Variants in NEBL observed in about 807,000 individuals in gnomAD.
The protein encoded by NEBL is LIM and SH3 protein 2.
Under a neutral mutation model 140.2 loss-of-function variants are expected in NEBL, and 122 were observed. The observed-to-expected ratio is 0.87, with a 90% CI of 0.75 to 1.01. NEBL has a LOEUF of 1.01. Among genes scored for constraint, NEBL ranks in the 50% least tolerant of loss-of-function variants. The pLI, the probability that NEBL is intolerant of heterozygous loss-of-function variation, is 0.00. For synonymous variants in NEBL, 436 were observed against 398.9 expected (o/e 1.09, Z -1.11); for missense variants, 1,365 against 1,231.3 (o/e 1.11, Z -1.62).
At chr10:21,202,218 T>A (rs911952922) in intron 3 of NEBL, among the ~76,000 whole-genome samples, 5 of 152,184 alleles carry the variant, frequency 3.3e-5, no homozygotes, top group Admixed American at 3.3e-4. Flanking sequence ...CAGCACTTTT[T>A]ATAGATGATA....
chr10:21,125,562 C>A (rs1441901424), intron 2 of NEBL, among the ~76,000 whole-genome samples: 1 of 152,114 alleles, frequency 6.6e-6, no homozygotes, highest in Non-Finnish European at 1.5e-5. Flanking sequence ...GAAGTGGAAG[C>A]CATCACTGTA....
chr10:20,967,361 C>T (rs377015213), intron 3 of NEBL, among the ~76,000 whole-genome samples: 1 of 152,190 alleles, frequency 6.6e-6, no homozygotes, highest in East Asian at 1.9e-4. Context: ...GGCATGGTGG[C>T]TCACGCCTGT....
Position 21,208,263 on chromosome 10 carries a change from G to A in NEBL, n.349-35786C>T, listed in dbSNP as rs138468962. On this transcript the variant is annotated intron_variant and non_coding_transcript_variant, in intron 3 of 8. Transcript: ENST00000675702. Reference sequence around the variant, plus strand: ...ATGGGGGTCCTTCAGACCAGCTAACGTCTAGTTTCACTAGTATGCAGGACC... The same window carrying A: ...ATGGGGGTCCTTCAGACCAGCTAACATCTAGTTTCACTAGTATGCAGGACC... Among the ~76,000 whole-genome samples the A allele has an allele frequency of 1.9e-4, 29 of 152,302 alleles. No homozygotes were observed. The South Asian group carries it at 3.3e-3, about 17-fold the overall frequency.
chr10:20,922,726 C>T (rs1833654292), intron 4 of NEBL, among the ~76,000 whole-genome samples: 1 of 152,202 alleles, frequency 6.6e-6, no homozygotes, highest in African/African-American at 2.4e-5. Context: ...CTCACCCAGC[C>T]TGACACACAG....
At chr10:21,063,114 C>T (rs1342746110) in intron 2 of NEBL, among the ~76,000 whole-genome samples, 6 of 152,114 alleles carry the variant, frequency 3.9e-5, no homozygotes, top group African/African-American at 9.7e-5. Flanking sequence ...AACATAACTG[C>T]GGGTGCTCCA....
At chr10:21,031,045 G>C (rs185051294) in intron 2 of NEBL, among the ~76,000 whole-genome samples, 2 of 152,338 alleles carry the variant, frequency 1.3e-5, no homozygotes, top group African/African-American at 2.4e-5. Flanking sequence ...AATGAGAACA[G>C]AGTAGTAGAA....
chr10:20,810,421 T>C (rs189761140), intron 24 of NEBL, among the ~76,000 whole-genome samples: 442 of 152,354 alleles, frequency 2.9e-3, no homozygotes, highest in African/African-American at 8.4e-3. Flanking sequence ...TGTGGAATGG[T>C]GGCAAGCCTA....
chr10:20,997,540 C>T (rs1036076727), intron 3 of NEBL, among the ~76,000 whole-genome samples: 14 of 126,020 alleles, frequency 1.1e-4, no homozygotes, highest in Non-Finnish European at 2.1e-4. Flanking sequence ...ATTTAGGATT[C>T]GGATTAGTAG....
chr10:20,943,745 G>A (rs1052403467), intron 4 of NEBL, among the ~76,000 whole-genome samples: 6 of 152,108 alleles, frequency 3.9e-5, no homozygotes, highest in Admixed American at 1.3e-4. Context: ...CCTTACACAC[G>A]TAAAACTAAG....
intron 17 of NEBL, among the ~76,000 whole-genome samples, chr10:20,827,924 G>A (rs1339343405): frequency 6.6e-6 from 1 of 152,094 alleles, no homozygotes; most frequent in African/African-American, 2.4e-5. Flanking sequence ...GCCTATCAGA[G>A]GGTGAAGAAG....
In NEBL at chr10:20,869,738, A is replaced by G. The variant is rs1442346131; in HGVS notation, c.582+2T>C. 1.3e-6 allele frequency: 2 copies of G among 1,595,452 alleles called. No homozygotes were observed. Among genetic ancestry groups the G allele is most frequent in the South Asian group, 1.1e-5 (1 of 90,704 alleles). The stretch of plus-strand genomic sequence containing the variant: ...CGTTCAAGGTTTAGAAAGAGAAGTT[A>G]CATTGCTTATGATCTTAGAGATCTG... On this transcript the variant is annotated splice_donor_variant, in intron 6 of 27. Coordinates refer to ENST00000377122, the MANE Select transcript of NEBL (RefSeq NM_006393.3). LOFTEE classifies it high-confidence loss of function.
At chr10:21,009,168 G>A (rs542554689) in intron 3 of NEBL, among the ~76,000 whole-genome samples, 2 of 152,078 alleles carry the variant, frequency 1.3e-5, no homozygotes, top group Non-Finnish European at 1.5e-5. Context: ...CATTCTAGAG[G>A]TTTTTAAAAG....
At chr10:20,826,991 G>A (rs1839942772) in intron 17 of NEBL, among the ~76,000 whole-genome samples, 1 of 152,186 alleles carries the variant, frequency 6.6e-6, no homozygotes, top group Non-Finnish European at 1.5e-5. Flanking sequence ...CCAAGAAAAT[G>A]TTAGCTCATC....
chr10:21,069,784 C>T (rs898607884), intron 2 of NEBL, among the ~76,000 whole-genome samples: 3 of 152,176 alleles, frequency 2.0e-5, no homozygotes, highest in African/African-American at 7.2e-5. Context: ...CAGAGACAAA[C>T]ATGTACATTA....
intron 2 of NEBL, among the ~76,000 whole-genome samples, chr10:21,074,209 C>T (rs894229262): frequency 3.9e-5 from 6 of 152,218 alleles, no homozygotes; most frequent in Admixed American, 3.9e-4. Context: ...AGTACCATGT[C>T]GGTCCATGTG....
At chr10:21,122,007 T>TTGTTGC (rs937620878) in intron 2 of NEBL, among the ~76,000 whole-genome samples, 1 of 138,634 alleles carries the variant, frequency 7.2e-6, no homozygotes, top group African/African-American at 3.4e-5. Context: ...CTCCTGGTTG[T>TTGTTGC]TGTTGTTGTT....
intron 4 of NEBL, among the ~76,000 whole-genome samples, chr10:20,882,153 C>A (rs1317333355): frequency 6.8e-6 from 1 of 146,902 alleles, no homozygotes. Flanking sequence ...GGTGATAGAG[C>A]AAGATCCTGC....
intron 4 of NEBL, among the ~76,000 whole-genome samples, chr10:20,933,009 C>T (rs932202769): frequency 6.6e-6 from 1 of 151,858 alleles, no homozygotes; most frequent in African/African-American, 2.4e-5. Flanking sequence ...AAATTAGGTA[C>T]ATTAGATACT....
At chr10:20,874,888 C>T (rs140192833) in intron 5 of NEBL, among the ~76,000 whole-genome samples, 4 of 152,086 alleles carry the variant, frequency 2.6e-5, no homozygotes, top group African/African-American at 9.6e-5. Flanking sequence ...TACAGGTGAA[C>T]ACCACCACAC....
Sources: gnomAD v4.1 joint callset for allele counts (sites outside exome capture counted in the v4.1 genomes callset) on GRCh38, gnomAD v4.1.1 for gene constraint, MANE v1.5 for transcripts, NCBI Gene and HGNC (gene_info 2026-07-23, HGNC 2026-07-21) for gene names.